Variants in DMRTC1 observed in about 807,000 individuals in gnomAD.
DMRTC1 encodes doublesex- and mab-3-related transcription factor C1.
For synonymous variants in DMRTC1, 7 were observed against 14.1 expected (o/e 0.50, Z 1.13); for missense variants, 9 against 34.6 (o/e 0.26, Z 1.86).
chrX:72,874,232 C>T (rs1362359635), intron 4 of DMRTC1, among the ~76,000 whole-genome samples: 2 of 653 alleles, frequency 3.1e-3, no homozygotes, highest in Admixed American at 0.01. Context: ...TTGCAAAACA[C>T]CTGGAGAGAT....
intron 1 of DMRTC1, among the ~76,000 whole-genome samples, chrX:72,922,571 AATGCCTGTG>A (rs1205418145): frequency 1.4e-3 from 39 of 27,797 alleles, no homozygotes; most frequent in Non-Finnish European, 2.7e-3. Context: ...TATAGCAATA[AATGCCTGTG>A]TAACAGAAGT....
At chrX:72,912,556 TA>T (rs1378440204) in intron 1 of DMRTC1, 1 of 262,323 alleles carries the variant, frequency 3.8e-6, no homozygotes, top group East Asian at 4.3e-5. Flanking sequence ...CACCAGGCTG[TA>T]GGGGGGGAGG....
In DMRTC1 at chrX:72,872,369, G is replaced by A. The variant is rs2054772269; in HGVS notation, c.*83C>T. The A allele has an allele frequency of 3.7e-5, 19 of 511,376 alleles. No homozygotes were observed. The highest frequency in any genetic ancestry group is 1.7e-4 in the South Asian group (5 of 29,742). The allele number at this position is 511,376 out of a possible 1,213,427, so 42.1% of individuals were successfully genotyped here. A position where few individuals can be genotyped will look rare whatever the true frequency, so the allele number is the denominator to read the frequency against. ...AAGGCTTTAAAAAAAGACGTTAAGC[G>A]TTTTGGACGTTAACCATTTTGCACA... On this transcript the variant is annotated 3_prime_UTR_variant, in exon 7 of 7. Coordinates refer to ENST00000615063, the MANE Select transcript of DMRTC1 (RefSeq NM_033053.3).
At chrX:72,881,918 G>A (rs1197245325) in intron 1 of DMRTC1, among the ~76,000 whole-genome samples, 1 of 114,173 alleles carries the variant, frequency 8.8e-6, no homozygotes, top group African/African-American at 3.2e-5. Flanking sequence ...AGTTATCGGT[G>A]ATGCTGTTTG....
At chrX:72,874,717 A>T (rs1310180642) in intron 4 of DMRTC1, 108 bp downstream of exon 4, 14 of 153,538 alleles carry the variant, frequency 9.1e-5, no homozygotes, top group Admixed American at 1.9e-4. Flanking sequence ...CTCCCCCTCC[A>T]CCACCTCCTC....
chrX:72,916,220 A>T, intron 1 of DMRTC1, among the ~76,000 whole-genome samples: 1 of 107,175 alleles, frequency 9.3e-6, no homozygotes, highest in South Asian at 3.9e-4. Context: ...CACCATCCGG[A>T]TCAAGGTGAG....
chrX:72,874,615 C>T (rs2054788993), intron 4 of DMRTC1, among the ~76,000 whole-genome samples: 1 of 94,978 alleles, frequency 1.1e-5, no homozygotes, highest in Admixed American at 1.2e-4. Context: ...GCCCTGTCCT[C>T]GCCCGTTAGT....
chrX:72,905,794 C>T (rs1400599653), intron 1 of DMRTC1, among the ~76,000 whole-genome samples: 2 of 94,904 alleles, frequency 2.1e-5, no homozygotes, highest in African/African-American at 4.1e-5. Context: ...GTCACGGCGC[C>T]TGGACTAAAT....
intron 1 of DMRTC1, among the ~76,000 whole-genome samples, chrX:72,905,779 C>T (rs1288306534): frequency 2.4e-5 from 2 of 82,753 alleles, no homozygotes; most frequent in African/African-American, 9.9e-5. Flanking sequence ...GAATTACAGG[C>T]GTGAGTCACG....
intron 4 of DMRTC1, among the ~76,000 whole-genome samples, chrX:72,874,616 G>A (rs1304116288): frequency 1.1e-5 from 1 of 94,227 alleles, no homozygotes; most frequent in Non-Finnish European, 2.0e-5. Flanking sequence ...CCCTGTCCTC[G>A]CCCGTTAGTA....
intron 1 of DMRTC1, among the ~76,000 whole-genome samples, chrX:72,879,147 G>GTTTTTT (rs781972795): frequency 1.6e-4 from 2 of 12,793 alleles, no homozygotes; most frequent in African/African-American, 2.1e-4. Flanking sequence ...TTTTTTGTTT[G>GTTTTTT]TTTTTTTTTT....
intron 4 of DMRTC1, among the ~76,000 whole-genome samples, chrX:72,874,607 C>A (rs1253292615): frequency 1.1e-5 from 1 of 91,618 alleles, no homozygotes; most frequent in Non-Finnish European, 2.1e-5. Context: ...CTAGGAGAGC[C>A]CTGTCCTCGC....
At chrX:72,882,188 A>G (rs2054870358) in intron 1 of DMRTC1, among the ~76,000 whole-genome samples, 1 of 73,893 alleles carries the variant, frequency 1.4e-5, no homozygotes, top group Admixed American at 1.6e-4. Context: ...ATGGATGGGC[A>G]TTTTGATGTA....
Position 72,872,537 on chromosome X carries a change from G to T in DMRTC1, c.494C>A (p.Pro165His). ...PAPAGDKGFQ[P>H]PSPSLRPRPA... ...CCTGGGGCGGAGAGAGGGGCTGGGA[G>T]GCTGGAATCCTTTATCTCCAGCAGG... The change falls in exon 7 of 7, where the codon CCT becomes CAT. Residue 165 changes from proline (P) to histidine (H), a missense_variant. Transcript: ENST00000615063. 1 of 1,094,344 alleles carries T rather than the reference G, an allele frequency of 9.1e-7. No individual in the cohort carries two copies. Among genetic ancestry groups the T allele is most frequent in the Non-Finnish European group, 1.2e-6 (1 of 834,079 alleles). 90.2% of individuals were successfully genotyped at this position (1,094,344 alleles called of 1,213,427 possible). A position where few individuals can be genotyped will look rare whatever the true frequency, so the allele number is the denominator to read the frequency against.
At chrX:72,905,889 G>A (rs1319958785) in intron 1 of DMRTC1, among the ~76,000 whole-genome samples, 14 of 113,879 alleles carry the variant, frequency 1.2e-4, no homozygotes, top group Non-Finnish European at 2.2e-4. Context: ...AAAAATTAGA[G>A]CAGAAATAAA....
chrX:72,912,852 G>A (rs1851950512), intron 1 of DMRTC1: 9 of 488,107 alleles, frequency 1.8e-5, no homozygotes, highest in Non-Finnish European at 2.9e-5. Context: ...AAGAGGGCCG[G>A]AGATGCACAC....
intron 1 of DMRTC1, among the ~76,000 whole-genome samples, chrX:72,924,340 C>CA (rs1312476728): frequency 2.8e-5 from 2 of 72,073 alleles, no homozygotes; most frequent in Non-Finnish European, 5.2e-5. Flanking sequence ...ACAATAGCCA[C>CA]AAAAAAATAA....
intron 1 of DMRTC1, among the ~76,000 whole-genome samples, chrX:72,886,877 C>T (rs2054880672): frequency 1.2e-5 from 1 of 86,715 alleles, no homozygotes; most frequent in African/African-American, 4.7e-5. Flanking sequence ...GCATGGAATG[C>T]CTTGCCATTA....
chrX:72,916,515 C>T (rs1193602850), intron 1 of DMRTC1, among the ~76,000 whole-genome samples: 1 of 96,486 alleles, frequency 1.0e-5, no homozygotes, highest in African/African-American at 4.8e-5. Context: ...CCACACAGTG[C>T]CCAATCTCCT....
Sources: gnomAD v4.1 joint callset for allele counts (sites outside exome capture counted in the v4.1 genomes callset) on GRCh38, gnomAD v4.1.1 for gene constraint, MANE v1.5 for transcripts, NCBI Gene and HGNC (gene_info 2026-07-23, HGNC 2026-07-21) for gene names.